The following GMFB variants were observed in gnomAD, a reference collection of about 807,000 sequenced individuals.
GMFB encodes glia maturation factor beta, also known as GMF-beta.
In GMFB, 13 loss-of-function variants were observed where a neutral mutation model predicts 25.6. The ratio of observed to expected loss-of-function variants is 0.51; its 90% CI spans 0.33 to 0.81. The LOEUF (loss-of-function observed/expected upper bound fraction) is 0.81, where lower values mean the gene tolerates loss of function less well. GMFB is among the 30% of genes least tolerant of loss of function. The pLI, the probability that GMFB is intolerant of heterozygous loss-of-function variation, is 0.02. For synonymous variants in GMFB, 57 were observed against 56.9 expected, an observed-to-expected ratio of 1.00 and a Z score of 0.00; for missense variants, 146 against 175.4, an observed-to-expected ratio of 0.83 and a Z score of 0.95.
Position 54,476,432 on chromosome 14 carries a change from T to C in GMFB, c.*1656A>G, listed in dbSNP as rs2031641435. The C allele has an allele frequency of 6.6e-6, 1 of 152,096 alleles. No individual in the cohort carries two copies. Among genetic ancestry groups the C allele is most frequent in the South Asian group, 2.1e-4 (1 of 4,838 alleles). 9.4% of individuals were successfully genotyped at this position (152,096 alleles called of 1,614,324 possible). A position where few individuals can be genotyped will look rare whatever the true frequency, so the allele number is the denominator to read the frequency against. ...GTGCATTCCTACAGAATTATATGCA[T>C]GTTATTCTCCAATATCAAAATACCT... On this transcript the variant is annotated 3_prime_UTR_variant, in exon 7 of 7. Coordinates refer to ENST00000358056, the MANE Select transcript of GMFB (RefSeq NM_004124.3).
chr14:54,488,740 T>A, intron 1 of GMFB, 185 bp downstream of exon 1: 1 of 523,898 alleles, frequency 1.9e-6, no homozygotes, highest in Non-Finnish European at 3.3e-6. Context: ...GATGCTGCCC[T>A]GAGGCGTGGT....
rs541974082 is a variant in GMFB at position 54,481,104 on chromosome 14, G to A, written c.201-148C>T. ...TTCCACAAAATTAAATGGGTTCCAAGGATAAGTTATAAAATCACATAATCT... is the reference window on the plus strand; with the variant it reads ...TTCCACAAAATTAAATGGGTTCCAAAGATAAGTTATAAAATCACATAATCT... On this transcript the variant is annotated intron_variant, in intron 4 of 6. Coordinates refer to ENST00000358056, the MANE Select transcript of GMFB (RefSeq NM_004124.3). 24 of 573,224 alleles carry A rather than the reference G, an allele frequency of 4.2e-5. No individual in the cohort carries two copies. In the African/African-American group the frequency reaches 4.2e-4, roughly 10 times the overall value. 35.5% of individuals were successfully genotyped at this position (573,224 alleles called of 1,614,324 possible).
Position 54,480,716 on chromosome 14 carries a change from GCATGCACA to G in GMFB, c.283+150_283+157del, listed in dbSNP as rs141814211. 893 of 528,370 alleles carry G rather than the reference GCATGCACA, an allele frequency of 1.7e-3. 4 individuals carry two copies. Among genetic ancestry groups the G allele is most frequent in the African/African-American group, 0.017 (824 of 49,358 alleles). The allele number at this position is 528,370 out of a possible 1,614,324, so 32.7% of individuals were successfully genotyped here. On this transcript the variant is annotated intron_variant, in intron 5 of 6. Coordinates refer to ENST00000358056, the MANE Select transcript of GMFB (RefSeq NM_004124.3). Reference sequence around the variant, plus strand: ...ATGATGCTTCATTCTTTCTAGGGATGCATGCACACAGGCACATGGACACACATAGACAC... The same window carrying G: ...ATGATGCTTCATTCTTTCTAGGGATGCAGGCACATGGACACACATAGACAC...
Position 54,475,015 on chromosome 14 carries a change from T to A in GMFB, c.*3073A>T, listed in dbSNP as rs1134761. 1,052 of 152,650 alleles carry A rather than the reference T, an allele frequency of 6.9e-3. 6 individuals carry two copies. Among genetic ancestry groups the A allele is most frequent in the Non-Finnish European group, 0.011 (725 of 67,984 alleles). 9.5% of individuals were successfully genotyped at this position (152,650 alleles called of 1,614,324 possible). A position where few individuals can be genotyped will look rare whatever the true frequency, so the allele number is the denominator to read the frequency against. ...TTGTAATGGCTCAAACTCTATAAAT[T>A]CCAGTATTATCAGTCTATTGAACAA... On this transcript the variant is annotated 3_prime_UTR_variant, in exon 7 of 7. Coordinates refer to ENST00000358056, the MANE Select transcript of GMFB (RefSeq NM_004124.3).
rs569916638 is a variant in GMFB, at chr14:54,486,393, A to T, written c.3+2532T>A. On this transcript the variant is annotated intron_variant, in intron 1 of 6. Coordinates refer to ENST00000358056, the MANE Select transcript of GMFB (RefSeq NM_004124.3). ...AAACACTGGGCAATTGCTTCAGGAC[A>T]TTGGTCTGGGCAAAGATTTTTTTGA... 1.3e-3 allele frequency among the ~76,000 whole-genome samples: 205 copies of T among 152,378 alleles called. 1 individual carries two copies. Among genetic ancestry groups the T allele is most frequent in the Non-Finnish European group, 2.7e-3 (183 of 68,032 alleles).
rs761700818 is a variant in GMFB at position 54,480,926 on chromosome 14, A to G, written c.231T>C (p.His77=). The G allele has an allele frequency of 2.0e-5, 31 of 1,533,672 alleles. No homozygotes were observed. Among genetic ancestry groups the G allele is most frequent in the Non-Finnish European group, 2.4e-5 (27 of 1,114,948 alleles). ...GAGGATATGAAACTCTTCCATCATC[A>G]TGTTGATATTTATAACTATACACAA... ...RFIVYSYKYQ[H]DDGRVSYPLC... The change falls in exon 5 of 7, where the codon CAT becomes CAC. Residue 77 remains histidine (H), a synonymous_variant. Coordinates refer to ENST00000358056, the MANE Select transcript of GMFB (RefSeq NM_004124.3).
At chr14:54,485,506 A>C (rs1203182365) in intron 1 of GMFB, among the ~76,000 whole-genome samples, 1 of 152,212 alleles carries the variant, frequency 6.6e-6, no homozygotes, top group Admixed American at 6.5e-5. Context: ...ACACAGATGA[A>C]AGAAATTGAA....
At chr14:54,488,770 T>G in intron 1 of GMFB, 155 bp downstream of exon 1, 1 of 569,936 alleles carries the variant, frequency 1.8e-6, no homozygotes, top group Non-Finnish European at 2.9e-6. Flanking sequence ...AGAGGCCAAG[T>G]ACTCTAGCTA....
chr14:54,483,745 T>C lies in GMFB; in HGVS notation c.26A>G (p.Asp9Gly), dbSNP rs1268681616. Residue 9 changes from aspartate (D) to glycine (G), a missense_variant, in exon 2 of 7, where the codon GAT becomes GGT. Transcript: ENST00000358056. ...CTTTTCCACTAAATCTTCGGCAACA[T>C]CACAAACAACCAAAGACTCACTCTA... The part of the protein sequence containing the change: MSESLVVC[D>G]VAEDLVEKLR... 3 of 1,607,384 alleles carry C rather than the reference T, an allele frequency of 1.9e-6. No homozygotes were observed. Among genetic ancestry groups the C allele is most frequent in the Non-Finnish European group, 2.6e-6 (3 of 1,174,378 alleles).
In GMFB at chr14:54,477,567, AAAG is replaced by A. The variant is rs1377827367; in HGVS notation, c.*518_*520del. The A allele has an allele frequency of 1.3e-5, 2 of 152,092 alleles. No individual in the cohort carries two copies. Among genetic ancestry groups the A allele is most frequent in the African/African-American group, 4.8e-5 (2 of 41,446 alleles). The allele number at this position is 152,092 out of a possible 1,614,324, so 9.4% of individuals were successfully genotyped here. On this transcript the variant is annotated 3_prime_UTR_variant, in exon 7 of 7. Coordinates refer to ENST00000358056, the MANE Select transcript of GMFB (RefSeq NM_004124.3). ...CTTGATTAAAAAGATACAGGAAACC[AAAG>A]AAGATACAGAATTCATCAATGTACT...
At chr14:54,482,776 G>A (rs1486627504) in intron 2 of GMFB, among the ~76,000 whole-genome samples, 2 of 152,168 alleles carry the variant, frequency 1.3e-5, no homozygotes, top group Admixed American at 1.3e-4. Context: ...ATCCTTTCCT[G>A]TTAGTCTGGC....
intron 1 of GMFB, among the ~76,000 whole-genome samples, chr14:54,486,730 A>C (rs1295406454): frequency 6.6e-6 from 1 of 152,188 alleles, no homozygotes; most frequent in Non-Finnish European, 1.5e-5. Context: ...CGAAACAGAT[A>C]CTATTATTAC....
Position 54,483,674 on chromosome 14 carries a change from TA to T in GMFB, c.96del (p.Ile33Ter). 1 of 1,529,136 alleles carries T rather than the reference TA, an allele frequency of 6.5e-7. No individual in the cohort carries two copies. The highest frequency in any genetic ancestry group is 9.0e-7 in the Non-Finnish European group (1 of 1,105,108). 94.7% of individuals were successfully genotyped at this position (1,529,136 alleles called of 1,614,324 possible). A position where few individuals can be genotyped will look rare whatever the true frequency, so the allele number is the denominator to read the frequency against. On this transcript the variant is annotated frameshift_variant, in exon 2 of 7. Coordinates refer to ENST00000358056, the MANE Select transcript of GMFB (RefSeq NM_004124.3). LOFTEE classifies it high-confidence loss of function. ...GAGGCAATCACTTTTAGCTTACTTATAATAGCAGCGTTGTTCGTTTCTTTGC... is the reference window on the plus strand; with the variant it reads ...GAGGCAATCACTTTTAGCTTACTTATATAGCAGCGTTGTTCGTTTCTTTGC... ...RFRKETNNAA[I>X]IMKIDKDKRL...
Position 54,478,036 on chromosome 14 carries a change from TC to T in GMFB, c.*51del. ...GCATAAATAAGTATTTATGTCTGAT[TC>T]CAGTATGGTCAGGTTAATACATAAA... On this transcript the variant is annotated 3_prime_UTR_variant, in exon 7 of 7. Transcript: ENST00000358056. 2 of 745,920 alleles carry T rather than the reference TC, an allele frequency of 2.7e-6. No homozygotes were observed. Among genetic ancestry groups the T allele is most frequent in the Non-Finnish European group, 4.4e-6 (2 of 458,324 alleles). The allele number at this position is 745,920 out of a possible 1,614,324, so 46.2% of individuals were successfully genotyped here.
At chr14:54,480,807 T>C (rs1233779781) in intron 5 of GMFB, 67 bp downstream of exon 5, 3 of 770,422 alleles carry the variant, frequency 3.9e-6, no homozygotes, top group Middle Eastern at 2.4e-4. Flanking sequence ...AGCAGAAAAT[T>C]TGTCTAGTAT....
intron 1 of GMFB, among the ~76,000 whole-genome samples, chr14:54,484,704 C>T (rs2031760096): frequency 6.6e-6 from 1 of 152,072 alleles, no homozygotes; most frequent in Non-Finnish European, 1.5e-5. Flanking sequence ...TACCCTGATA[C>T]CACAACCAGA....
At position 54,488,951 on chromosome 14, in the gene GMFB, T is replaced by G. The variant is rs200801477; in HGVS notation, c.-24A>C. ...ATTTTCCTTCCGGCCGTCAGCGGCC[T>G]GTCGCCTACACTCGGGCGCCTTTAA... On this transcript the variant is annotated 5_prime_UTR_variant, in exon 1 of 7. Coordinates refer to ENST00000358056, the MANE Select transcript of GMFB (RefSeq NM_004124.3). 171 of 1,559,290 alleles carry G rather than the reference T, an allele frequency of 1.1e-4. No individual in the cohort carries two copies. The highest frequency in any genetic ancestry group is 3.3e-5 in the Non-Finnish European group (38 of 1,155,544).
At position 54,475,054 on chromosome 14, in the gene GMFB, C is replaced by T. The variant is rs566392541; in HGVS notation, c.*3034G>A. The T allele has an allele frequency of 3.3e-5, 5 of 152,652 alleles. No individual in the cohort carries two copies. Among genetic ancestry groups the T allele is most frequent in the Non-Finnish European group, 7.4e-5 (5 of 67,966 alleles). 9.5% of individuals were successfully genotyped at this position (152,652 alleles called of 1,614,324 possible). ...TCTATTGAACAAATAGGGAAAGCAA[C>T]CATAGTAAGAATACTTGAATTGATA... On this transcript the variant is annotated 3_prime_UTR_variant, in exon 7 of 7. Transcript: ENST00000358056.
chr14:54,484,084 G>A (rs2031752035), intron 1 of GMFB: 1 of 396,256 alleles, frequency 2.5e-6, no homozygotes, highest in Non-Finnish European at 4.8e-6. Context: ...GAAGAATATG[G>A]GGAAAGTCAA....
Sources: allele counts gnomAD v4.1 joint callset (sites outside exome capture counted in the v4.1 genomes callset), GRCh38; gene constraint gnomAD v4.1.1; transcripts MANE v1.5; gene names NCBI Gene and HGNC (gene_info 2026-07-23, HGNC 2026-07-21).